DMXL2: variants seen among roughly 807,000 people sequenced by gnomAD.
The protein encoded by DMXL2 is dmX-like protein 2.
DMXL2 carries 103 observed loss-of-function variants against 331.1 expected under a neutral mutation model. The observed-to-expected ratio is 0.31, with a 90% CI of 0.27 to 0.37. The LOEUF (loss-of-function observed/expected upper bound fraction) is 0.37. DMXL2 is among the 10% of genes least tolerant of loss of function. DMXL2 has a pLI of 1.00. For synonymous variants in DMXL2, 1,281 were observed against 1,252.1 expected (o/e 1.02, Z -0.49); for missense variants, 3,171 against 3,642.9 (o/e 0.87, Z 3.33).
chr15:51,610,733 A>C (rs897551287), intron 1 of DMXL2, among the ~76,000 whole-genome samples: 2 of 151,094 alleles, frequency 1.3e-5, no homozygotes, highest in African/African-American at 2.4e-5. Flanking sequence ...GCGCCACTGC[A>C]CTCCAGCCTG....
intron 6 of DMXL2, among the ~76,000 whole-genome samples, chr15:51,549,693 C>A (rs76032001): frequency 0.044 from 6,682 of 152,232 alleles, 394 homozygotes; most frequent in African/African-American, 0.14. Context: ...TTTTGGTTTG[C>A]ATTTCCCTGA....
chr15:51,582,029 A>G (rs377738496), intron 1 of DMXL2, among the ~76,000 whole-genome samples: 1 of 152,210 alleles, frequency 6.6e-6, no homozygotes, highest in Non-Finnish European at 1.5e-5. Context: ...GTTTTGATCA[A>G]TGTAAATATG....
In DMXL2 at chr15:51,605,734, G is replaced by A. The variant is rs369758406; in HGVS notation, c.87+16725C>T. The stretch of plus-strand genomic sequence containing the variant: ...AATATTTTGTATTTTTAGTAGAGAC[G>A]GGGTTTCACCTTGTTAGCCAGGATG... On this transcript the variant is annotated intron_variant, in intron 1 of 43. Transcript: ENST00000560891. 2.9e-3 allele frequency among the ~76,000 whole-genome samples: 276 copies of A among 96,566 alleles called. 70 individuals carry two copies. Among genetic ancestry groups the A allele is most frequent in the African/African-American group, 9.2e-3 (267 of 28,936 alleles). The allele number at this position is 96,566 out of a possible 152,430, so 63.4% of individuals were successfully genotyped here.
rs752166400 is a variant in DMXL2, at chr15:51,456,066, C to T, written c.8526G>A (p.Lys2842=). Residue 2842 remains lysine (K), a splice_region_variant and synonymous_variant, in exon 39 of 44, where the codon AAG becomes AAA. Coordinates refer to ENST00000560891, the MANE Select transcript of DMXL2 (RefSeq NM_001378457.1). ...TRLYFNSQGN[K]CGVADGEGFL... is the part of the protein sequence containing the mutation. Reference sequence around the variant, plus strand: ...TCAGCAGTAGCCCCCAGAAACTAACCTTGTTGCCTTGTGAATTAAAATATA... The same window carrying T: ...TCAGCAGTAGCCCCCAGAAACTAACTTTGTTGCCTTGTGAATTAAAATATA... The T allele has an allele frequency of 1.2e-6, 2 of 1,614,002 alleles. No homozygotes were observed. The highest frequency in any genetic ancestry group is 1.7e-6 in the Non-Finnish European group (2 of 1,179,930).
chr15:51,535,914 C>A (rs528434513), intron 12 of DMXL2, 130 bp from the exon 13 acceptor site: 1 of 1,080,188 alleles, frequency 9.3e-7, no homozygotes. Context: ...ATTAAACAGG[C>A]ACAATAAGTA....
intron 23 of DMXL2, among the ~76,000 whole-genome samples, chr15:51,484,349 T>G (rs1320232859): frequency 6.6e-6 from 1 of 152,178 alleles, no homozygotes; most frequent in African/African-American, 2.4e-5. Flanking sequence ...TGTGCACATA[T>G]GCACCCCAAC....
intron 13 of DMXL2, 120 bp from the exon 14 acceptor site, chr15:51,517,287 A>C (rs1292207320): frequency 1.0e-5 from 7 of 667,486 alleles, no homozygotes; most frequent in Non-Finnish European, 1.8e-5. Context: ...AATGGAATGT[A>C]ATACATTCAA....
In DMXL2 at chr15:51,514,435, A is replaced by T. The variant is rs370072037; in HGVS notation, c.2644+7T>A. On this transcript the variant is annotated splice_region_variant and intron_variant, in intron 15 of 43. Transcript: ENST00000560891. ...GTAAACAAATGCAGACTATTTTTTT[A>T]AAGTACCTTGTGATGGCTGAAAAAA... The T allele has an allele frequency of 2.0e-6, 3 of 1,472,260 alleles. No homozygotes were observed. The highest frequency in any genetic ancestry group is 1.2e-5 in the South Asian group (1 of 81,920). 91.2% of individuals were successfully genotyped at this position (1,472,260 alleles called of 1,614,324 possible). A position where few individuals can be genotyped will look rare whatever the true frequency, so the allele number is the denominator to read the frequency against.
At chr15:51,514,604 C>T (rs775071327) in intron 14 of DMXL2, 45 bp from the exon 15 acceptor site, 14 of 1,230,700 alleles carry the variant, frequency 1.1e-5, no homozygotes, top group African/African-American at 1.5e-5. Flanking sequence ...TTTGAAATTC[C>T]CTGTCTCCCA....
chr15:51,455,283 A>G, intron 39 of DMXL2, 55 bp from the exon 40 acceptor site: 1 of 1,418,880 alleles, frequency 7.0e-7, no homozygotes, highest in South Asian at 1.2e-5. Flanking sequence ...CAGCAAAGGT[A>G]AAAACATGGA....
In DMXL2 at chr15:51,504,445, C is replaced by T. The variant is rs933203171; in HGVS notation, c.2765-1412G>A. On this transcript the variant is annotated intron_variant, in intron 16 of 43. Coordinates refer to ENST00000560891, the MANE Select transcript of DMXL2 (RefSeq NM_001378457.1). ...TTGACTTGATCTTCCAAAGAACTTC[C>T]AGTGAGTGTAAATCTCTGATTCAGT... Among the ~76,000 whole-genome samples the T allele has an allele frequency of 4.6e-5, 7 of 152,158 alleles. No homozygotes were observed. In the East Asian group the frequency reaches 9.6e-4, roughly 21 times the overall value.
rs769963962 is a variant in DMXL2 at position 51,449,024 on chromosome 15, T to C, written c.9137A>G (p.Asn3046Ser). ...AATTCTGTTAGGGATGTTAAAAGCA[T>C]TGGGCAAAACCCTGGTTTTCAGCGT... ...DGTLKTRVLP[N>S]AFNIPNRILD... The change falls in exon 44 of 44, where the codon AAT becomes AGT. Residue 3046 changes from asparagine (N) to serine (S), a missense_variant. Transcript: ENST00000560891. 2.5e-6 allele frequency: 4 copies of C among 1,614,194 alleles called. No individual in the cohort carries two copies. The highest frequency in any genetic ancestry group is 2.2e-5 in the East Asian group (1 of 44,884).
intron 15 of DMXL2, among the ~76,000 whole-genome samples, chr15:51,507,650 G>C (rs1278243782): frequency 6.6e-6 from 1 of 152,240 alleles, no homozygotes; most frequent in East Asian, 1.9e-4. Flanking sequence ...GAGGAGGATA[G>C]AAGGGAAGGA....
intron 6 of DMXL2, 35 bp from the exon 7 acceptor site, chr15:51,547,443 G>A: frequency 2.8e-6 from 4 of 1,418,838 alleles, no homozygotes; most frequent in South Asian, 1.6e-5. Flanking sequence ...AAATTAATTT[G>A]TACATACACA....
rs369953633 is a variant in DMXL2, at chr15:51,481,272, T to C, written c.5834A>G (p.Asn1945Ser). The change falls in exon 24 of 44, where the codon AAT (asparagine) becomes AGT (serine). Residue 1945 changes from asparagine (N) to serine (S), a missense_variant. This residue lies in a region of DMXL2 where 244 missense variants were observed against 251.4 expected (regional missense o/e 0.97). Coordinates refer to ENST00000560891, the MANE Select transcript of DMXL2 (RefSeq NM_001378457.1). ...PSHSKALSDGNGSSGIEWSNV... is the reference protein window; with the variant it reads ...PSHSKALSDGSGSSGIEWSNV... ...TGACCATTCAATGCCAGAACTTCCA[T>C]TGCCATCACTCAGAGCTTTTGAATG... is the stretch of plus-strand genomic sequence containing the variant. 8.7e-6 allele frequency: 14 copies of C among 1,613,562 alleles called. No individual in the cohort carries two copies. In the East Asian group the frequency reaches 1.6e-4, roughly 18 times the overall value.
intron 13 of DMXL2, among the ~76,000 whole-genome samples, chr15:51,525,847 G>C (rs1192455132): frequency 6.6e-6 from 1 of 151,778 alleles, no homozygotes; most frequent in African/African-American, 2.4e-5. Context: ...GGTACTTCTA[G>C]ACCAGCCCAG....
At chr15:51,460,001 C>G (rs974096462) in intron 33 of DMXL2, 1 of 984,378 alleles carries the variant, frequency 1.0e-6, no homozygotes, top group East Asian at 1.1e-4. Flanking sequence ...GCAGAAGATG[C>G]TACATAAATT....
At chr15:51,528,571 A>C (rs1385427408) in intron 13 of DMXL2, among the ~76,000 whole-genome samples, 1 of 152,170 alleles carries the variant, frequency 6.6e-6, no homozygotes, top group Non-Finnish European at 1.5e-5. Context: ...CAGCAAGAGA[A>C]TATAACAATT....
intron 1 of DMXL2, among the ~76,000 whole-genome samples, chr15:51,580,781 A>C (rs2051355610): frequency 6.6e-6 from 1 of 151,274 alleles, no homozygotes; most frequent in Non-Finnish European, 1.5e-5. Context: ...ATAATTCTGT[A>C]GCATAAGCTG....
Sources: gnomAD v4.1 joint callset for allele counts (sites outside exome capture counted in the v4.1 genomes callset) on GRCh38, gnomAD v4.1.1 for gene constraint, gnomAD v4.1.1 regional missense constraint, MANE v1.5 for transcripts, NCBI Gene and HGNC (gene_info 2026-07-23, HGNC 2026-07-21) for gene names.